The following EXOC4 variants were observed in gnomAD, a reference collection of about 807,000 sequenced individuals.
EXOC4 encodes exocyst complex component 4.
In EXOC4, 71 loss-of-function variants were observed where a neutral mutation model predicts 107.2. That is an observed-to-expected ratio of 0.66 (90% CI 0.55 to 0.81). The LOEUF (loss-of-function observed/expected upper bound fraction) is 0.81, where lower values mean the gene tolerates loss of function less well. Among genes scored for constraint, EXOC4 ranks in the 30% least tolerant of loss-of-function variants. The pLI is 0.00. For synonymous variants in EXOC4, 456 were observed against 441.2 expected (o/e 1.03, Z -0.42); for missense variants, 1,108 against 1,189.6 (o/e 0.93, Z 1.01).
chr7:133,341,906 C>G (rs974324459), intron 5 of EXOC4, among the ~76,000 whole-genome samples: 8 of 151,988 alleles, frequency 5.3e-5, no homozygotes, highest in African/African-American at 1.9e-4. Flanking sequence ...ACCCCTTTAC[C>G]TTAGATTTAT....
intron 13 of EXOC4, among the ~76,000 whole-genome samples, chr7:133,936,184 A>G (rs1343831410): frequency 1.3e-5 from 2 of 152,216 alleles, no homozygotes; most frequent in African/African-American, 4.8e-5. Flanking sequence ...GTGCACACCC[A>G]CATTCCATGC....
At chr7:133,832,032 G>A (rs954681015) in intron 11 of EXOC4, among the ~76,000 whole-genome samples, 1 of 152,056 alleles carries the variant, frequency 6.6e-6, no homozygotes, top group Non-Finnish European at 1.5e-5. Context: ...GTATACATGT[G>A]TAGCAATAAC....
intron 17 of EXOC4, among the ~76,000 whole-genome samples, chr7:134,043,694 A>G (rs1249540880): frequency 6.6e-6 from 1 of 152,070 alleles, no homozygotes; most frequent in East Asian, 1.9e-4. Flanking sequence ...GGTGTAAACT[A>G]TTAGGGGCAC....
chr7:133,763,469 C>T (rs941943976), intron 10 of EXOC4, among the ~76,000 whole-genome samples: 2 of 152,078 alleles, frequency 1.3e-5, no homozygotes, highest in Non-Finnish European at 2.9e-5. Context: ...AATCTTGGCT[C>T]CATAAACTTA....
chr7:133,644,193 C>T (rs2151027772), intron 10 of EXOC4, among the ~76,000 whole-genome samples: 1 of 152,276 alleles, frequency 6.6e-6, no homozygotes, highest in South Asian at 2.1e-4. Flanking sequence ...CAGTAGGCTT[C>T]CTATCAATTT....
chr7:134,061,447 G>C (rs1362416390), intron 17 of EXOC4, among the ~76,000 whole-genome samples: 1 of 152,178 alleles, frequency 6.6e-6, no homozygotes, highest in Non-Finnish European at 1.5e-5. Context: ...GGCTGGTTCA[G>C]AACCTTTAAG....
chr7:134,094,005 C>T, the EXOC4 span, among the ~76,000 whole-genome samples: 3 of 152,122 alleles, frequency 2.0e-5, no homozygotes, highest in Non-Finnish European at 4.4e-5. Context: ...ACATCACACC[C>T]AGAGGAACTA....
chr7:133,683,743 A>C (rs993501053), intron 10 of EXOC4, among the ~76,000 whole-genome samples: 1 of 152,078 alleles, frequency 6.6e-6, no homozygotes, highest in Non-Finnish European at 1.5e-5. Flanking sequence ...GATTGTAGGC[A>C]TTCTTCAACC....
intron 9 of EXOC4, among the ~76,000 whole-genome samples, chr7:133,530,920 A>G (rs778636766): frequency 3.3e-5 from 5 of 152,300 alleles, no homozygotes; most frequent in Non-Finnish European, 7.3e-5. Context: ...AATTAACTGC[A>G]TAACCTTGAA....
intron 10 of EXOC4, among the ~76,000 whole-genome samples, chr7:133,750,206 C>A (rs1341707399): frequency 6.6e-6 from 1 of 151,888 alleles, no homozygotes; most frequent in Non-Finnish European, 1.5e-5. Context: ...GTCTCCTTTC[C>A]CTGAAGACTC....
At chr7:134,009,155 T>C (rs1229122448) in intron 17 of EXOC4, among the ~76,000 whole-genome samples, 1 of 152,200 alleles carries the variant, frequency 6.6e-6, no homozygotes, top group African/African-American at 2.4e-5. Context: ...GTAAACTCCC[T>C]TATTTTCCAA....
intron 7 of EXOC4, among the ~76,000 whole-genome samples, chr7:133,437,023 GA>G (rs1400344525): frequency 6.6e-6 from 1 of 152,082 alleles, no homozygotes; most frequent in Non-Finnish European, 1.5e-5. Context: ...GAGGATGGGA[GA>G]AACTTCCATG....
At chr7:133,800,016 CA>C (rs1482300842) in intron 10 of EXOC4, among the ~76,000 whole-genome samples, 2 of 1,500 alleles carry the variant, frequency 1.3e-3, no homozygotes, top group African/African-American at 1.6e-3. Context: ...TCCTTTCATC[CA>C]TCCATCCATC....
intron 9 of EXOC4, among the ~76,000 whole-genome samples, chr7:133,581,794 T>G (rs1474790948): frequency 6.9e-6 from 1 of 145,864 alleles, no homozygotes; most frequent in Non-Finnish European, 1.5e-5. Context: ...GACCTGAGAC[T>G]GGGTAATTTA....
At chr7:133,740,133 T>C (rs1343504277) in intron 10 of EXOC4, among the ~76,000 whole-genome samples, 3 of 152,190 alleles carry the variant, frequency 2.0e-5, no homozygotes, top group Non-Finnish European at 2.9e-5. Flanking sequence ...AGCAGAAAGA[T>C]ACTACAAGCA....
At chr7:133,704,536 G>A (rs552863162) in intron 10 of EXOC4, among the ~76,000 whole-genome samples, 2 of 152,302 alleles carry the variant, frequency 1.3e-5, no homozygotes, top group South Asian at 2.1e-4. Flanking sequence ...TCACCACAGA[G>A]CAGAGAATAA....
chr7:133,982,865 G>C (rs1022279223), intron 14 of EXOC4, among the ~76,000 whole-genome samples: 14 of 152,166 alleles, frequency 9.2e-5, no homozygotes, highest in Non-Finnish European at 1.8e-4. Flanking sequence ...TTACCTGCTG[G>C]TTTCAGAAAA....
rs142374742 is a variant in EXOC4, at chr7:133,458,579, ATC to A, written c.1183-16743_1183-16742del. On this transcript the variant is annotated intron_variant, in intron 7 of 17. Transcript: ENST00000253861. ...ACTCCTCAGGTGGAGAGCAATTAAG[ATC>A]TCTCTGTAAAGGCATTTCACTCTGC... Among the ~76,000 whole-genome samples, 1,186 of 152,308 alleles carry A rather than the reference ATC, an allele frequency of 7.8e-3. 14 individuals carry two copies. Among genetic ancestry groups the A allele is most frequent in the African/African-American group, 0.026 (1,075 of 41,580 alleles).
intron 10 of EXOC4, among the ~76,000 whole-genome samples, chr7:133,730,381 ATTG>A (rs1278847226): frequency 3.3e-5 from 5 of 151,876 alleles, no homozygotes; most frequent in Non-Finnish European, 5.9e-5. Flanking sequence ...GTTAGGATTA[ATTG>A]TTTATGATGG....
Sources: allele counts gnomAD v4.1 joint callset (sites outside exome capture counted in the v4.1 genomes callset), GRCh38; gene constraint gnomAD v4.1.1; transcripts MANE v1.5; gene names NCBI Gene and HGNC (gene_info 2026-07-23, HGNC 2026-07-21).